Variants in FAM193A observed in about 807,000 individuals in gnomAD.
FAM193A encodes the protein family with sequence similarity 193 member A, also known as protein FAM193A.
Under a neutral mutation model 126.5 loss-of-function variants are expected in FAM193A, and 22 were observed. That is an observed-to-expected ratio of 0.17 (90% CI 0.12 to 0.25). The LOEUF is 0.25. Among genes scored for constraint, FAM193A ranks in the 10% least tolerant of loss-of-function variants. The pLI is 1.00. For missense variants in FAM193A, 1,675 were observed against 1,672.8 expected (o/e 1.00, Z -0.02); for synonymous variants, 761 against 646.8 (o/e 1.18, Z -2.68).
intron 20 of FAM193A, among the ~76,000 whole-genome samples, chr4:2,719,353 A>AG (rs1719866654): frequency 6.6e-6 from 1 of 152,236 alleles, no homozygotes; most frequent in African/African-American, 2.4e-5. Flanking sequence ...TTCAAAAAAA[A>AG]GAAACAATAT....
At chr4:2,705,881 C>T (rs1718246779) in intron 19 of FAM193A, among the ~76,000 whole-genome samples, 1 of 152,160 alleles carries the variant, frequency 6.6e-6, no homozygotes, top group Non-Finnish European at 1.5e-5. Context: ...AGCTACCATG[C>T]CCGGCCTTAG....
At chr4:2,640,171 C>T (rs1320029507) in intron 6 of FAM193A, among the ~76,000 whole-genome samples, 5 of 152,192 alleles carry the variant, frequency 3.3e-5, no homozygotes, top group Admixed American at 2.6e-4. Flanking sequence ...TGGTGTGGTT[C>T]ATGCTATGGC....
intron 2 of FAM193A, among the ~76,000 whole-genome samples, chr4:2,604,508 G>C (rs151235366): frequency 2.8e-3 from 427 of 152,120 alleles, no homozygotes; most frequent in African/African-American, 7.8e-3. Flanking sequence ...AAGAGTGCTG[G>C]GTAGAATACA....
chr4:2,671,178 C>T (rs1215736286), intron 12 of FAM193A, among the ~76,000 whole-genome samples: 4 of 152,206 alleles, frequency 2.6e-5, no homozygotes, highest in Non-Finnish European at 5.9e-5. Context: ...GAGGTGTCCT[C>T]AGTGCATGCA....
At chr4:2,553,131 A>G (rs1738044846) in intron 1 of FAM193A, among the ~76,000 whole-genome samples, 1 of 152,076 alleles carries the variant, frequency 6.6e-6, no homozygotes, top group Non-Finnish European at 1.5e-5. Flanking sequence ...TACGGGCTTG[A>G]GCCACTGTGC....
At chr4:2,646,159 C>CTTTTT (rs568447182) in intron 6 of FAM193A, among the ~76,000 whole-genome samples, 1 of 69,094 alleles carries the variant, frequency 1.4e-5, no homozygotes, top group African/African-American at 5.5e-5. Context: ...TGAGCATCTC[C>CTTTTT]TTTTTTTTTT....
chr4:2,573,147 G>C (rs1264831403), intron 1 of FAM193A, among the ~76,000 whole-genome samples: 2 of 151,750 alleles, frequency 1.3e-5, no homozygotes, highest in Non-Finnish European at 2.9e-5. Flanking sequence ...TTACTCTTGT[G>C]TCTCTCCCTC....
chr4:2,694,547 G>A (rs560316950), intron 16 of FAM193A, among the ~76,000 whole-genome samples: 48 of 152,164 alleles, frequency 3.2e-4, no homozygotes, highest in African/African-American at 1.1e-3. Flanking sequence ...GAGTACAGAC[G>A]TGAGCCACTG....
chr4:2,665,057 A>G (rs532038101), intron 12 of FAM193A, among the ~76,000 whole-genome samples: 39 of 152,330 alleles, frequency 2.6e-4, no homozygotes, highest in African/African-American at 7.9e-4. Flanking sequence ...GGGATGATAT[A>G]GATCAATTTA....
intron 13 of FAM193A, among the ~76,000 whole-genome samples, chr4:2,678,855 A>T (rs1714762415): frequency 6.6e-6 from 1 of 152,200 alleles, no homozygotes; most frequent in South Asian, 2.1e-4. Flanking sequence ...TTGTAAAATC[A>T]TATCATCTAC....
chr4:2,727,515 C>A (rs186273814), intron 20 of FAM193A, among the ~76,000 whole-genome samples: 1 of 152,230 alleles, frequency 6.6e-6, no homozygotes, highest in Non-Finnish European at 1.5e-5. Context: ...CTACAGATTT[C>A]TTTCCTCAAT....
intron 1 of FAM193A, among the ~76,000 whole-genome samples, chr4:2,565,236 AC>A (rs1738865844): frequency 6.9e-6 from 1 of 145,558 alleles, no homozygotes; most frequent in Non-Finnish European, 1.5e-5. Flanking sequence ...AACTGGATAT[AC>A]ACAATGATAG....
At chr4:2,622,257 CAAAAAAAAAAAAAA>C (rs71178493) in intron 2 of FAM193A, among the ~76,000 whole-genome samples, 4 of 55,546 alleles carry the variant, frequency 7.2e-5, no homozygotes, top group African/African-American at 1.4e-4. Context: ...ACCCTGTCTC[CAAAAAAAAAAAAAA>C]AAAAAAAAAA....
intron 1 of FAM193A, 111 bp downstream of exon 1, chr4:2,537,281 T>TGCGG (rs1463380477): frequency 6.5e-6 from 1 of 153,398 alleles, no homozygotes; most frequent in Non-Finnish European, 1.4e-5. Flanking sequence ...AGCGGGATGC[T>TGCGG]GCGGGCGGGC....
At chr4:2,632,834 C>T (rs1420948026) in intron 5 of FAM193A, among the ~76,000 whole-genome samples, 1 of 152,078 alleles carries the variant, frequency 6.6e-6, no homozygotes, top group Non-Finnish European at 1.5e-5. Flanking sequence ...TCTGCCTGCC[C>T]TTCAGAGGTT....
intron 1 of FAM193A, among the ~76,000 whole-genome samples, chr4:2,586,983 C>T (rs1740275180): frequency 1.3e-5 from 2 of 152,184 alleles, no homozygotes; most frequent in Non-Finnish European, 2.9e-5. Context: ...CCTTAATAGG[C>T]GTTCTGTATT....
At chr4:2,544,651 C>T (rs1737440216) in intron 1 of FAM193A, among the ~76,000 whole-genome samples, 1 of 151,990 alleles carries the variant, frequency 6.6e-6, no homozygotes, top group Admixed American at 6.6e-5. Flanking sequence ...TTGCAGTGAG[C>T]CCAGATCGGG....
chr4:2,659,197 C>T (rs1370577204), intron 8 of FAM193A, among the ~76,000 whole-genome samples: 1 of 152,208 alleles, frequency 6.6e-6, no homozygotes, highest in East Asian at 1.9e-4. Flanking sequence ...AGGCCGACCC[C>T]TTGCCCTCCA....
intron 1 of FAM193A, among the ~76,000 whole-genome samples, chr4:2,538,390 A>G (rs1468219496): frequency 6.6e-6 from 1 of 151,982 alleles, no homozygotes; most frequent in African/African-American, 2.4e-5. Context: ...ACAGGGTTTC[A>G]CCATGTTGGC....
Sources: allele counts gnomAD v4.1 joint callset (sites outside exome capture counted in the v4.1 genomes callset), GRCh38; gene constraint gnomAD v4.1.1; transcripts MANE v1.5; gene names NCBI Gene and HGNC (gene_info 2026-07-23, HGNC 2026-07-21).